SLC25A32: variants seen among roughly 807,000 people sequenced by gnomAD.
The protein encoded by SLC25A32 is Glycine auxotroph B, complementation of hamster.
Under a neutral mutation model 39.0 loss-of-function variants are expected in SLC25A32, and 32 were observed. The ratio of observed to expected loss-of-function variants is 0.82; its 90% CI spans 0.62 to 1.10. The LOEUF (loss-of-function observed/expected upper bound fraction) is 1.10, where lower values mean the gene tolerates loss of function less well. SLC25A32 is among the 50% of genes least tolerant of loss of function. The pLI, the probability that SLC25A32 is intolerant of heterozygous loss-of-function variation, is 0.00. For synonymous variants in SLC25A32, 166 were observed against 152.4 expected (o/e 1.09, Z -0.66); for missense variants, 367 against 395.3 (o/e 0.93, Z 0.61).
chr8:103,399,615 T>C lies in SLC25A32; in HGVS notation c.*796A>G, dbSNP rs552422295. 7 of 152,340 alleles carry C rather than the reference T, an allele frequency of 4.6e-5. No homozygotes were observed. Among genetic ancestry groups the C allele is most frequent in the African/African-American group, 1.4e-4 (6 of 41,588 alleles). The allele number at this position is 152,340 out of a possible 1,614,324, so 9.4% of individuals were successfully genotyped here. On this transcript the variant is annotated 3_prime_UTR_variant, in exon 7 of 7. Coordinates refer to ENST00000297578, the MANE Select transcript of SLC25A32 (RefSeq NM_030780.5). The stretch of plus-strand genomic sequence containing the variant: ...TCACTAAAATTTCCCAATTCTAAAA[T>C]GGTCTGGCCAGGCGCAGTGGCTCAC...
chr8:103,407,518 A>G (rs546078702), intron 2 of SLC25A32, 116 bp downstream of exon 2: 2 of 856,072 alleles, frequency 2.3e-6, no homozygotes, highest in African/African-American at 3.4e-5. Context: ...GATCCTTCCA[A>G]TTCAGAGAAA....
intron 4 of SLC25A32, chr8:103,402,451 T>C (rs1038098222): frequency 2.0e-5 from 3 of 152,556 alleles, no homozygotes; most frequent in African/African-American, 7.2e-5. Flanking sequence ...ATAAAAATAA[T>C]ATATTTATAA....
intron 1 of SLC25A32, among the ~76,000 whole-genome samples, chr8:103,412,080 C>T (rs1816479443): frequency 6.6e-6 from 1 of 152,176 alleles, no homozygotes. Context: ...ATAATAGAAC[C>T]TAACTCTAAA....
At chr8:103,410,926 T>C (rs999123198) in intron 1 of SLC25A32, among the ~76,000 whole-genome samples, 3 of 152,216 alleles carry the variant, frequency 2.0e-5, no homozygotes, top group African/African-American at 7.2e-5. Context: ...TTACCCCTCC[T>C]TTCCTCTGTG....
At chr8:103,401,894 A>G in intron 5 of SLC25A32, 47 bp downstream of exon 5, 1 of 1,493,310 alleles carries the variant, frequency 6.7e-7, no homozygotes, top group Middle Eastern at 2.0e-4. Context: ...CTACCTATTA[A>G]ATACCCATAA....
rs1816182947 is a variant in SLC25A32 at position 103,400,022 on chromosome 8, C to G, written c.*389G>C. The stretch of plus-strand genomic sequence containing the variant: ...AGACATTCTTTTAAAGAGCTATTTT[C>G]TTGGTATTGCACAAAGGTTAATTTT... On this transcript the variant is annotated 3_prime_UTR_variant, in exon 7 of 7. Coordinates refer to ENST00000297578, the MANE Select transcript of SLC25A32 (RefSeq NM_030780.5). 1 of 182,568 alleles carries G rather than the reference C, an allele frequency of 5.5e-6. No individual in the cohort carries two copies. The highest frequency in any genetic ancestry group is 2.4e-5 in the African/African-American group (1 of 41,884). 11.3% of individuals were successfully genotyped at this position (182,568 alleles called of 1,614,324 possible).
chr8:103,404,630 C>CA (rs1050472989), intron 3 of SLC25A32, 146 bp downstream of exon 3: 89 of 543,806 alleles, frequency 1.6e-4, no homozygotes, highest in South Asian at 3.5e-4. Context: ...AACAAACAAA[C>CA]AAAAAAAACA....
chr8:103,402,035 A>C lies in SLC25A32; in HGVS notation c.572T>G (p.Phe191Cys), dbSNP rs746767854. ...CTGAAGGGCACCATGCGATGTTCCA[A>C]ACAGCCCAGGAACAAATCCCTACAA... ...GLYKGFVPGL[F>C]GTSHGALQFM... Residue 191 changes from phenylalanine (F) to cysteine (C), a missense_variant, in exon 5 of 7, where the codon TTT becomes TGT. By Grantham distance (205) the Phe-to-Cys change is radical. Coordinates refer to ENST00000297578, the MANE Select transcript of SLC25A32 (RefSeq NM_030780.5). 10 of 1,612,262 alleles carry C rather than the reference A, an allele frequency of 6.2e-6. No individual in the cohort carries two copies. The South Asian group carries it at 1.1e-4, about 18-fold the overall frequency.
At chr8:103,406,176 T>C (rs1169879600) in intron 2 of SLC25A32, among the ~76,000 whole-genome samples, 1 of 151,662 alleles carries the variant, frequency 6.6e-6, no homozygotes, top group Non-Finnish European at 1.5e-5. Context: ...GTGTATATAG[T>C]TTCACACACA....
chr8:103,404,834 T>C lies in SLC25A32; in HGVS notation c.333A>G (p.Thr111=), dbSNP rs1224143565. The C allele has an allele frequency of 1.9e-6, 3 of 1,612,762 alleles. No homozygotes were observed. The highest frequency in any genetic ancestry group is 2.2e-5 in the East Asian group (1 of 44,882). Reference sequence around the variant, plus strand: ...CCTCTAAACGTTCAGCTCTTCCTTCTGTTTTATATGACTTGATGGCATTGT... The same window carrying C: ...CCTCTAAACGTTCAGCTCTTCCTTCCGTTTTATATGACTTGATGGCATTGT... ...FFYNAIKSYK[T]EGRAERLEAT... The change falls in exon 3 of 7, where the codon ACA becomes ACG. Residue 111 remains threonine, a synonymous_variant. Coordinates refer to ENST00000297578, the MANE Select transcript of SLC25A32 (RefSeq NM_030780.5).
At position 103,407,703 on chromosome 8, in the gene SLC25A32, C is replaced by G; in HGVS notation, c.236G>C (p.Arg79Pro). ...TGGGGTTACTCCTTGATAAAGTCCC[C>G]GTAGTCCATCAAGTTTCCAAATGGT... ...LTTIWKLDGL[R>P]GLYQGVTPNI... Residue 79 changes from arginine (R) to proline (P), a missense_variant, in exon 2 of 7, where the codon CGG becomes CCG. Coordinates refer to ENST00000297578, the MANE Select transcript of SLC25A32 (RefSeq NM_030780.5). 6.2e-7 allele frequency: 1 copy of G among 1,612,424 alleles called. No individual in the cohort carries two copies. Among genetic ancestry groups the G allele is most frequent in the African/African-American group, 1.3e-5 (1 of 74,912 alleles).
intron 1 of SLC25A32, 61 bp downstream of exon 1, chr8:103,414,723 A>G (rs549541582): frequency 6.2e-7 from 1 of 1,603,164 alleles, no homozygotes; most frequent in African/African-American, 1.3e-5. Flanking sequence ...GAAAAGACGG[A>G]GGAGATCCAG....
chr8:103,404,947 C>T (rs1253568128), intron 2 of SLC25A32, 86 bp from the exon 3 acceptor site: 6 of 824,026 alleles, frequency 7.3e-6, no homozygotes, highest in Non-Finnish European at 1.2e-5. Context: ...AGCAGTACCC[C>T]AAAAGCACAA....
At chr8:103,410,739 TA>T (rs1816447110) in intron 1 of SLC25A32, among the ~76,000 whole-genome samples, 2 of 151,932 alleles carry the variant, frequency 1.3e-5, no homozygotes, top group Non-Finnish European at 2.9e-5. Flanking sequence ...ATCACAGCAC[TA>T]AAAAAATGCC....
chr8:103,411,415 G>GC (rs1195767010), intron 1 of SLC25A32, among the ~76,000 whole-genome samples: 1 of 151,442 alleles, frequency 6.6e-6, no homozygotes, highest in African/African-American at 2.4e-5. Flanking sequence ...CCCCTCCCTG[G>GC]CCCCCGAGAC....
At chr8:103,409,734 A>C (rs1416556472) in intron 1 of SLC25A32, among the ~76,000 whole-genome samples, 4 of 152,168 alleles carry the variant, frequency 2.6e-5, no homozygotes, top group African/African-American at 9.7e-5. Flanking sequence ...GAAAAGGGGG[A>C]AAAGTCAATT....
intron 1 of SLC25A32, among the ~76,000 whole-genome samples, chr8:103,409,646 G>A (rs1453674838): frequency 6.6e-6 from 1 of 152,130 alleles, no homozygotes; most frequent in Admixed American, 6.5e-5. Flanking sequence ...CAGCATCCCT[G>A]GTTCACTGTC....
Position 103,414,658 on chromosome 8 carries a change from G to T in SLC25A32, c.154+126C>A, listed in dbSNP as rs528889896. On this transcript the variant is annotated intron_variant, in intron 1 of 6. Transcript: ENST00000297578. ...CACCATTTCCTCAAATCTAGTTCAG[G>T]TTAGCCAACGCGGACAGCAACGCTC... The T allele has an allele frequency of 1.1e-4, 150 of 1,363,342 alleles. 1 individual carries two copies. The East Asian group carries it at 3.6e-3, about 33-fold the overall frequency. 84.5% of individuals were successfully genotyped at this position (1,363,342 alleles called of 1,614,324 possible).
rs898571659 is a variant in SLC25A32 at position 103,414,818 on chromosome 8, C to T, written c.120G>A (p.Leu40=). The change falls in exon 1 of 7, where the codon CTG becomes CTA. Residue 40 remains leucine (L), a synonymous_variant. Coordinates refer to ENST00000297578, the MANE Select transcript of SLC25A32 (RefSeq NM_030780.5). ...GGATCTTCACGAGGTCGAGCGGATG[C>T]AGCGCAAGGTTGGATAAGACGCCGC... ...VSGGVLSNLA[L]HPLDLVKIRF... The T allele has an allele frequency of 6.2e-7, 1 of 1,613,818 alleles. No homozygotes were observed. The highest frequency in any genetic ancestry group is 8.5e-7 in the Non-Finnish European group (1 of 1,180,034).
Sources: allele counts gnomAD v4.1 joint callset (sites outside exome capture counted in the v4.1 genomes callset), GRCh38; gene constraint gnomAD v4.1.1; transcripts MANE v1.5; gene names NCBI Gene and HGNC (gene_info 2026-07-23, HGNC 2026-07-21).